Variants in SYNE2 observed in about 807,000 individuals in gnomAD.
SYNE2 encodes the protein spectrin repeat containing nuclear envelope protein 2.
In SYNE2, 431 loss-of-function variants were observed where a neutral mutation model predicts 856.3. That is an observed-to-expected ratio of 0.50 (90% CI 0.47 to 0.55). SYNE2 has a LOEUF of 0.55. Among genes scored for constraint, SYNE2 ranks in the 20% least tolerant of loss-of-function variants. The pLI is 0.00. For missense variants in SYNE2, 8,129 were observed against 8,023.2 expected (o/e 1.01, Z -0.50); for synonymous variants, 2,923 against 2,872.3 (o/e 1.02, Z -0.56).
intron 108 of SYNE2, among the ~76,000 whole-genome samples, chr14:64,216,851 A>G (rs1441759328): frequency 1.3e-5 from 2 of 152,138 alleles, no homozygotes; most frequent in South Asian, 4.1e-4. Flanking sequence ...CAGCCTCCCA[A>G]GTAGCTGCGA....
At chr14:64,139,817 T>C in intron 79 of SYNE2, 124 bp from the exon 80 acceptor site, 1 of 958,834 alleles carries the variant, frequency 1.0e-6, no homozygotes, top group Non-Finnish European at 1.7e-6. Flanking sequence ...CGTCATGATA[T>C]TCTGAATGTT....
intron 103 of SYNE2, among the ~76,000 whole-genome samples, chr14:64,211,349 A>G (rs1475831635): frequency 6.6e-6 from 1 of 152,146 alleles, no homozygotes; most frequent in East Asian, 1.9e-4. Flanking sequence ...AGCTATACTG[A>G]TCTGAACATC....
At chr14:64,202,425 G>A (rs906946148) in intron 99 of SYNE2, among the ~76,000 whole-genome samples, 1 of 152,158 alleles carries the variant, frequency 6.6e-6, no homozygotes, top group African/African-American at 2.4e-5. Flanking sequence ...GGCAGAAACT[G>A]GGCAGAAGTC....
rs553247465 is a variant in SYNE2 at position 63,867,044 on chromosome 14, A to G, written c.-52+13901A>G. 6.6e-5 allele frequency among the ~76,000 whole-genome samples: 10 copies of G among 152,356 alleles called. No individual in the cohort carries two copies. The East Asian group carries it at 1.7e-3, about 26-fold the overall frequency. ...TGCACCATCTCTTTGATCCTATGTT[A>G]TAAGCCTATAACACAGAAACCATCT... On this transcript the variant is annotated intron_variant, in intron 1 of 115. Transcript: ENST00000555002.
rs1034047917 is a variant in SYNE2 at position 64,024,561 on chromosome 14, A to T, written c.5840+102A>T. ...GCACTGGGATACGCAGTACACACAA[A>T]TTTCACACACAAAAGGCGTACTTTT... On this transcript the variant is annotated intron_variant, in intron 39 of 115. Transcript: ENST00000555002. 10 of 1,140,440 alleles carry T rather than the reference A, an allele frequency of 8.8e-6. No homozygotes were observed. The Admixed American group carries it at 1.6e-4, about 18-fold the overall frequency. The allele number at this position is 1,140,440 out of a possible 1,614,324, so 70.6% of individuals were successfully genotyped here.
chr14:63,941,733 C>G lies in SYNE2; in HGVS notation c.180C>G (p.Asp60Glu), dbSNP rs187499127. ...SPSVISDLFT[D>E]IKKGHVLLDL... is the part of the protein sequence containing the mutation. ...CAGTTATATCCGACCTATTCACAGACATTAAAAAGGGGCATGTCCTCCTGG... is the reference window on the plus strand; with the variant it reads ...CAGTTATATCCGACCTATTCACAGAGATTAAAAAGGGGCATGTCCTCCTGG... Residue 60 changes from aspartate (D) to glutamate (E), a missense_variant, in exon 4 of 116, where the codon GAC becomes GAG. Transcript: ENST00000555002. The G allele has an allele frequency of 3.1e-6, 5 of 1,614,124 alleles. No individual in the cohort carries two copies. The highest frequency in any genetic ancestry group is 2.7e-5 in the African/African-American group (2 of 75,050).
rs187026186 is a variant in SYNE2 at position 64,194,885 on chromosome 14, C to G, written c.18038+4648C>G. Among the ~76,000 whole-genome samples, 555 of 152,328 alleles carry G rather than the reference C, an allele frequency of 3.6e-3. 13 individuals carry two copies. The highest frequency in any genetic ancestry group is 0.031 in the Admixed American group (472 of 15,306). On this transcript the variant is annotated intron_variant, in intron 99 of 115. Transcript: ENST00000555002. The stretch of plus-strand genomic sequence containing the variant: ...GCCAGAGAAGGAGTTGACCTGCCAC[C>G]TGATCTCACCTATGCCTCCCCTTAT...
chr14:64,148,045 C>T (rs1027267979), intron 84 of SYNE2, among the ~76,000 whole-genome samples: 8 of 152,130 alleles, frequency 5.3e-5, no homozygotes, highest in Non-Finnish European at 1.2e-4. Context: ...GGCGCAGTGG[C>T]TCATGTGTAT....
At position 63,949,817 on chromosome 14, in the gene SYNE2, T is replaced by A. The variant is rs1209482344; in HGVS notation, c.409-8T>A. ...TTATAAACGTTAAGTCTACTTTGCCTTCCTTAGATTGAGAAGCTTGCCCAG... is the reference window on the plus strand; with the variant it reads ...TTATAAACGTTAAGTCTACTTTGCCATCCTTAGATTGAGAAGCTTGCCCAG... On this transcript the variant is annotated splice_region_variant and splice_polypyrimidine_tract_variant and intron_variant, in intron 6 of 115. Transcript: ENST00000555002. The A allele has an allele frequency of 6.2e-7, 1 of 1,614,098 alleles. No homozygotes were observed. The highest frequency in any genetic ancestry group is 8.5e-7 in the Non-Finnish European group (1 of 1,179,964).
At chr14:64,001,818 A>C in intron 28 of SYNE2, 116 bp from the exon 29 acceptor site, 11 of 1,123,978 alleles carry the variant, frequency 9.8e-6, no homozygotes, top group Non-Finnish European at 1.5e-5. Flanking sequence ...ATATCATTGT[A>C]TGTCTGTTTA....
At chr14:63,791,866 A>C (rs1382249335) in intron 1 of SYNE2, among the ~76,000 whole-genome samples, 1 of 122,418 alleles carries the variant, frequency 8.2e-6, no homozygotes, top group Non-Finnish European at 1.8e-5. Context: ...AATGGTGTGA[A>C]CCCAGGAGGC....
chr14:63,781,197 G>A (rs1887292516), intron 1 of SYNE2, among the ~76,000 whole-genome samples: 1 of 151,308 alleles, frequency 6.6e-6, no homozygotes, highest in South Asian at 2.1e-4. Flanking sequence ...AGAATCGCTT[G>A]AACCCAGGAG....
At chr14:63,904,933 T>A (rs2095389337) in intron 1 of SYNE2, among the ~76,000 whole-genome samples, 1 of 152,182 alleles carries the variant, frequency 6.6e-6, no homozygotes, top group South Asian at 2.1e-4. Context: ...ATTTTTATAG[T>A]TTGAGGTCTT....
chr14:63,995,751 A>G lies in SYNE2; in HGVS notation c.2940+549A>G, dbSNP rs572955410. On this transcript the variant is annotated intron_variant, in intron 23 of 115. Transcript: ENST00000555002. ...TATCCATCTATCTATCTATCTATCT[A>G]TCTATCTATCTATCTAGATATATAT... Among the ~76,000 whole-genome samples, 6 of 151,686 alleles carry G rather than the reference A, an allele frequency of 4.0e-5. No homozygotes were observed. The South Asian group carries it at 1.3e-3, about 32-fold the overall frequency.
intron 99 of SYNE2, among the ~76,000 whole-genome samples, chr14:64,201,027 T>A (rs1226103068): frequency 6.6e-6 from 1 of 152,244 alleles, no homozygotes; most frequent in East Asian, 1.9e-4. Context: ...ATTCACTCTG[T>A]GCAGCTGACT....
chr14:64,065,009 C>T (rs1189987073), intron 50 of SYNE2, among the ~76,000 whole-genome samples: 2 of 151,992 alleles, frequency 1.3e-5, no homozygotes, highest in African/African-American at 4.8e-5. Context: ...GGACTACAGG[C>T]GCATGCCACC....
At chr14:64,216,422 T>C (rs1480436071) in intron 108 of SYNE2, 35 bp downstream of exon 108, 2 of 1,605,372 alleles carry the variant, frequency 1.2e-6, no homozygotes, top group Non-Finnish European at 8.5e-7. Context: ...ACAGCCTATG[T>C]CTGTGAGTCA....
intron 12 of SYNE2, 145 bp downstream of exon 12, chr14:63,976,872 A>T: frequency 1.2e-6 from 1 of 838,332 alleles, no homozygotes; most frequent in Non-Finnish European, 1.9e-6. Flanking sequence ...GATTTTTGGG[A>T]CCTAGAATGT....
chr14:63,922,357 G>C (rs1478290413), intron 2 of SYNE2, among the ~76,000 whole-genome samples: 1 of 152,202 alleles, frequency 6.6e-6, no homozygotes, highest in Non-Finnish European at 1.5e-5. Flanking sequence ...CTGGGAGGAA[G>C]TTTTCTCGTT....
Sources: gnomAD v4.1 joint callset for allele counts (sites outside exome capture counted in the v4.1 genomes callset) on GRCh38, gnomAD v4.1.1 for gene constraint, MANE v1.5 for transcripts, NCBI Gene and HGNC (gene_info 2026-07-23, HGNC 2026-07-21) for gene names.